LARGE1: variants seen among roughly 807,000 people sequenced by gnomAD.
The protein encoded by LARGE1 is xylosyl- and glucuronyltransferase LARGE1.
Under a neutral mutation model 87.6 loss-of-function variants are expected in LARGE1, and 43 were observed. The ratio of observed to expected loss-of-function variants is 0.49; its 90% CI spans 0.38 to 0.63. The LOEUF is 0.63. LARGE1 is among the 30% of genes least tolerant of loss of function. LARGE1 has a pLI of 0.00. For missense variants in LARGE1, 802 were observed against 1,000.2 expected (o/e 0.80, Z 2.67); for synonymous variants, 434 against 394.6 (o/e 1.10, Z -1.18).
intron 2 of LARGE1, among the ~76,000 whole-genome samples, chr22:33,736,803 T>C (rs1239385351): frequency 6.6e-6 from 1 of 152,240 alleles, no homozygotes; most frequent in Non-Finnish European, 1.5e-5. Flanking sequence ...TTTTCATTTT[T>C]ACTCTTTTTA....
chr22:33,262,807 CCTT>C (rs964425034), intron 11 of LARGE1, among the ~76,000 whole-genome samples: 6 of 150,240 alleles, frequency 4.0e-5, no homozygotes, highest in Admixed American at 6.6e-5. Context: ...TTCCTTCCTT[CCTT>C]CTTTCCTTCC....
chr22:33,729,541 C>T (rs1284142090), intron 2 of LARGE1, among the ~76,000 whole-genome samples: 5 of 152,224 alleles, frequency 3.3e-5, no homozygotes, highest in Non-Finnish European at 7.3e-5. Context: ...ACACACCAGA[C>T]TTCCTCCATC....
At chr22:33,346,275 C>A (rs1939741212) in intron 9 of LARGE1, among the ~76,000 whole-genome samples, 1 of 144,794 alleles carries the variant, frequency 6.9e-6, no homozygotes, top group Non-Finnish European at 1.5e-5. Context: ...CTCTCTCTTT[C>A]TTTCCTCCTC....
intron 11 of LARGE1, among the ~76,000 whole-genome samples, chr22:33,181,087 A>G (rs977121688): frequency 3.3e-5 from 5 of 152,236 alleles, no homozygotes; most frequent in African/African-American, 1.2e-4. Flanking sequence ...ATCTCAGTAA[A>G]GCTGCTTAAA....
chr22:33,882,046 T>TG (rs1168662582), intron 1 of LARGE1, among the ~76,000 whole-genome samples: 6 of 126,850 alleles, frequency 4.7e-5, no homozygotes, highest in African/African-American at 1.8e-4. Context: ...TTTTTTTTTG[T>TG]TTTTTTTTTT....
chr22:33,131,182 A>G, the LARGE1 span, among the ~76,000 whole-genome samples: 1 of 151,962 alleles, frequency 6.6e-6, no homozygotes, highest in Non-Finnish European at 1.5e-5. Context: ...TACATCTCTT[A>G]TATCAGAACT....
the LARGE1 span, among the ~76,000 whole-genome samples, chr22:33,084,484 C>A: frequency 3.3e-5 from 5 of 151,324 alleles, no homozygotes; most frequent in African/African-American, 4.9e-5. Flanking sequence ...CATAGTGAGA[C>A]CTTGTCTCTC....
intron 2 of LARGE1, chr22:33,733,391 C>T (rs1255488553): frequency 6.6e-6 from 1 of 152,232 alleles, no homozygotes; most frequent in African/African-American, 2.4e-5. Flanking sequence ...ACCTGCAACA[C>T]ACTCGGCAGC....
intron 7 of LARGE1, among the ~76,000 whole-genome samples, chr22:33,412,458 C>T (rs1048991768): frequency 6.6e-5 from 10 of 152,024 alleles, no homozygotes; most frequent in East Asian, 1.9e-4. Flanking sequence ...TGCTACTGAA[C>T]GGTTATGAAG....
chr22:33,172,931 C>G (rs1922655756), intron 11 of LARGE1, among the ~76,000 whole-genome samples: 1 of 152,154 alleles, frequency 6.6e-6, no homozygotes, highest in South Asian at 2.1e-4. Context: ...TTGGAAAACA[C>G]ACATCAGGGT....
chr22:33,263,672 G>C (rs189735131), intron 11 of LARGE1, among the ~76,000 whole-genome samples: 48 of 152,338 alleles, frequency 3.2e-4, no homozygotes, highest in Non-Finnish European at 5.7e-4. Flanking sequence ...TGCCATAACT[G>C]GTACCTGGAC....
At chr22:33,853,109 GA>G (rs917217859) in intron 1 of LARGE1, among the ~76,000 whole-genome samples, 6 of 152,006 alleles carry the variant, frequency 3.9e-5, no homozygotes, top group Admixed American at 2.6e-4. Flanking sequence ...AATCCAAAGG[GA>G]AATCAGCACC....
At chr22:33,897,855 A>G (rs2065185271) in intron 1 of LARGE1, among the ~76,000 whole-genome samples, 1 of 152,002 alleles carries the variant, frequency 6.6e-6, no homozygotes, top group Admixed American at 6.5e-5. Context: ...TCATTGTTTT[A>G]ATATTGCAGC....
chr22:33,718,944 C>T (rs2082994612), intron 2 of LARGE1, among the ~76,000 whole-genome samples: 1 of 152,096 alleles, frequency 6.6e-6, no homozygotes, highest in Non-Finnish European at 1.5e-5. Context: ...GTGCCCACCA[C>T]CACACAGCTA....
At chr22:33,881,290 G>A (rs913194488) in intron 1 of LARGE1, among the ~76,000 whole-genome samples, 19 of 149,716 alleles carry the variant, frequency 1.3e-4, no homozygotes, top group African/African-American at 4.1e-4. Context: ...AGCCTGTAGC[G>A]GGCCCTGGTG....
chr22:33,492,083 T>C (rs906231388), intron 6 of LARGE1, among the ~76,000 whole-genome samples: 1 of 152,112 alleles, frequency 6.6e-6, no homozygotes, highest in Non-Finnish European at 1.5e-5. Context: ...AAATGAGTGA[T>C]GACAGAAAGA....
chr22:33,798,459 C>T (rs1003268029), intron 1 of LARGE1, among the ~76,000 whole-genome samples: 1 of 152,128 alleles, frequency 6.6e-6, no homozygotes, highest in Admixed American at 6.5e-5. Flanking sequence ...AAAAGGAACA[C>T]AGTGAAAGCT....
At chr22:33,293,606 G>A (rs1417509409) in intron 12 of LARGE1, among the ~76,000 whole-genome samples, 2 of 152,210 alleles carry the variant, frequency 1.3e-5, no homozygotes, top group African/African-American at 4.8e-5. Flanking sequence ...GCAGTAGTGG[G>A]AGAGTGGTTA....
intron 11 of LARGE1, among the ~76,000 whole-genome samples, chr22:33,264,484 T>C (rs930721467): frequency 6.6e-6 from 1 of 152,040 alleles, no homozygotes; most frequent in Non-Finnish European, 1.5e-5. Context: ...CGTGGTGAAA[T>C]TCCTGTCTCT....
Sources: allele counts gnomAD v4.1 joint callset (sites outside exome capture counted in the v4.1 genomes callset), GRCh38; gene constraint gnomAD v4.1.1; transcripts MANE v1.5; gene names NCBI Gene and HGNC (gene_info 2026-07-23, HGNC 2026-07-21).